JAG1: variants seen among roughly 807,000 people sequenced by gnomAD.
The protein encoded by JAG1 is protein jagged-1.
A neutral mutation model predicts 148.7 loss-of-function variants in JAG1; 23 were observed. The ratio of observed to expected loss-of-function variants is 0.15; its 90% CI spans 0.11 to 0.22. JAG1 has a LOEUF of 0.22. JAG1 is among the 10% of genes least tolerant of loss of function. The pLI, the probability that JAG1 is intolerant of heterozygous loss-of-function variation, is 1.00. For missense variants in JAG1, 1,054 were observed against 1,611.2 expected, an observed-to-expected ratio of 0.65 and a Z score of 5.92; for synonymous variants, 572 against 598.3, an observed-to-expected ratio of 0.96 and a Z score of 0.64.
chr20:10,664,991 T>C (rs2067443509), intron 2 of JAG1, among the ~76,000 whole-genome samples: 1 of 152,220 alleles, frequency 6.6e-6, no homozygotes, highest in Admixed American at 6.5e-5. Context: ...AAGCTTCTGC[T>C]ATCTTGGCAC....
chr20:10,656,717 CCTT>C (rs2067381796), intron 4 of JAG1, among the ~76,000 whole-genome samples: 1 of 152,052 alleles, frequency 6.6e-6, no homozygotes, highest in African/African-American at 2.4e-5. Flanking sequence ...GGAAGGGGGA[CCTT>C]CGTCCAGCCT....
chr20:10,668,525 C>T (rs917373931), intron 2 of JAG1, among the ~76,000 whole-genome samples: 2 of 152,166 alleles, frequency 1.3e-5, no homozygotes, highest in African/African-American at 4.8e-5. Flanking sequence ...CTTACATTGT[C>T]ACTAACCTTG....
rs1260995695 is a variant in JAG1 at position 10,639,763 on chromosome 20, G to A, written c.3392C>T (p.Ala1131Val). The A allele has an allele frequency of 6.2e-7, 1 of 1,613,942 alleles. No individual in the cohort carries two copies. The highest frequency in any genetic ancestry group is 8.5e-7 in the Non-Finnish European group (1 of 1,179,828). The stretch of plus-strand genomic sequence containing the variant: ...ATAATCCTTGATGGGGACCGTGTTG[G>A]CCCCATGTTTCTCAATGGGGTTTTT... ...QIKNPIEKHGANTVPIKDYEN... is the reference protein window; with the variant it reads ...QIKNPIEKHGVNTVPIKDYEN... Residue 1131 changes from alanine (A) to valine (V), a missense_variant, in exon 26 of 26, where the codon GCC (alanine) becomes GTC (valine). Coordinates refer to ENST00000254958, the MANE Select transcript of JAG1 (RefSeq NM_000214.3).
In JAG1 at chr20:10,673,522, G is replaced by A; in HGVS notation, c.9C>T (p.Ser3=). The change falls in exon 1 of 26, where the codon TCC becomes TCT. Residue 3 remains serine (S), a synonymous_variant. Coordinates refer to ENST00000254958, the MANE Select transcript of JAG1 (RefSeq NM_000214.3). This position sits in a 1 kb window ranked among gnomAD's most constrained non-coding sequence, Gnocchi z 4.7. MR[S]PRTRGRSGRP... ...GCCCGGACCGGCCGCGCGTCCGTGG[G>A]GAACGCATCGCTGCGCCGCGCGCCG... is the stretch of plus-strand genomic sequence containing the variant. 1 of 1,253,702 alleles carries A rather than the reference G, an allele frequency of 8.0e-7. No individual in the cohort carries two copies. The highest frequency in any genetic ancestry group is 1.0e-6 in the Non-Finnish European group (1 of 992,304). 77.7% of individuals were successfully genotyped at this position (1,253,702 alleles called of 1,614,324 possible). A position where few individuals can be genotyped will look rare whatever the true frequency, so the allele number is the denominator to read the frequency against.
chr20:10,668,421 T>A (rs1243802554), intron 2 of JAG1, among the ~76,000 whole-genome samples: 2 of 152,246 alleles, frequency 1.3e-5, no homozygotes, highest in African/African-American at 4.8e-5. Context: ...AAGAGCAACA[T>A]GCCTTACAGA....
chr20:10,646,866 T>C, intron 14 of JAG1, 73 bp downstream of exon 14: 1 of 1,390,096 alleles, frequency 7.2e-7, no homozygotes, highest in South Asian at 1.2e-5. Flanking sequence ...GATCCCAGGG[T>C]GGGCCAGGGG....
chr20:10,654,074 G>C (rs1657304715), intron 5 of JAG1, among the ~76,000 whole-genome samples: 2 of 152,216 alleles, frequency 1.3e-5, no homozygotes, highest in South Asian at 4.1e-4. Context: ...TAGCCATTCT[G>C]TCAAGGCTGA....
Position 10,645,842 on chromosome 20 carries a change from C to A in JAG1, c.1999+129G>T. 1.3e-6 allele frequency: 1 copy of A among 768,122 alleles called. No homozygotes were observed. The allele number at this position is 768,122 out of a possible 1,614,324, so 47.6% of individuals were successfully genotyped here. ...CAAATGAGACACAAGTGATACTGTC[C>A]CAGTGCAGAAATCACTGCGGTCTTG... On this transcript the variant is annotated intron_variant, in intron 15 of 25. Transcript: ENST00000254958. The surrounding 1 kb of genome is among the most constrained non-coding windows in gnomAD (Gnocchi z 6.1).
chr20:10,658,437 C>G, intron 4 of JAG1, 31 bp downstream of exon 4: 4 of 1,612,016 alleles, frequency 2.5e-6, no homozygotes, highest in Non-Finnish European at 3.4e-6. Flanking sequence ...AAGCAACAGG[C>G]ACACGTGCAC....
At position 10,640,830 on chromosome 20, in the gene JAG1, G is replaced by A. The variant is rs2067265482; in HGVS notation, c.3152C>T (p.Ala1051Val). The change falls in exon 25 of 26, where the codon GCC becomes GTC. Residue 1051 changes from alanine (A) to valine (V), a missense_variant. Ala to Val is a moderately conservative substitution (Grantham distance 64). This residue lies in a region of JAG1 where 342 missense variants were observed against 514.6 expected (regional missense o/e 0.66). Coordinates refer to ENST00000254958, the MANE Select transcript of JAG1 (RefSeq NM_000214.3). ...KRDGNSSLIA[A>V]VAEVRVQRRP... is the part of the protein sequence containing the mutation. ...CCTCTGAACTCTTACTTCTGCAACG[G>A]CAGCAATCAGCGAGCTGTTTCCATC... 1 of 1,614,048 alleles carries A rather than the reference G, an allele frequency of 6.2e-7. No homozygotes were observed. Among genetic ancestry groups the A allele is most frequent in the Non-Finnish European group, 8.5e-7 (1 of 1,180,034 alleles).
In JAG1 at chr20:10,649,089, C is replaced by T. The variant is rs534533867; in HGVS notation, c.1367G>A (p.Gly456Asp). The part of the protein sequence containing the change: ...NCDININDCL[G>D]QCQNDASCRD... The stretch of plus-strand genomic sequence containing the variant: ...ACAGGAGGCGTCATTCTGACACTGG[C>T]CAAGGCAGTCATTAATATCTAAAAA... The change falls in exon 11 of 26, where the codon GGC becomes GAC. Residue 456 changes from glycine to aspartate, a missense_variant. By Grantham distance (94) the Gly-to-Asp change is moderately conservative. Transcript: ENST00000254958. 5.6e-6 allele frequency: 9 copies of T among 1,608,952 alleles called. No homozygotes were observed. In the East Asian group the frequency reaches 1.8e-4, roughly 32 times the overall value.
At chr20:10,649,833 T>C in intron 9 of JAG1, 198 bp from the exon 10 acceptor site, 1 of 618,148 alleles carries the variant, frequency 1.6e-6, no homozygotes, top group Non-Finnish European at 2.9e-6. Flanking sequence ...AGAACCCTAA[T>C]TGATAACTTT....
intron 2 of JAG1, among the ~76,000 whole-genome samples, chr20:10,664,385 C>CACAA (rs1178671591): frequency 6.8e-6 from 1 of 147,648 alleles, no homozygotes; most frequent in Non-Finnish European, 1.5e-5. Context: ...CACACACACA[C>CACAA]ACACACACAC....
At chr20:10,667,261 C>T (rs535561200) in intron 2 of JAG1, among the ~76,000 whole-genome samples, 8 of 152,238 alleles carry the variant, frequency 5.3e-5, no homozygotes, top group Admixed American at 3.3e-4. Flanking sequence ...TGGGAATGCC[C>T]GACGTGCCAA....
intron 8 of JAG1, chr20:10,650,673 A>T: frequency 2.8e-6 from 1 of 355,018 alleles, no homozygotes; most frequent in Non-Finnish European, 5.3e-6. Flanking sequence ...ATTTTTAAAG[A>T]AAAGTTTCAT....
rs987023136 is a variant in JAG1, at chr20:10,659,549, G to A, written c.440-827C>T. Among the ~76,000 whole-genome samples, 11 of 131,080 alleles carry A rather than the reference G, an allele frequency of 8.4e-5. 1 individual carries two copies. Among genetic ancestry groups the A allele is most frequent in the African/African-American group, 3.0e-4 (10 of 32,868 alleles). The allele number at this position is 131,080 out of a possible 152,430, so 86.0% of individuals were successfully genotyped here. ...ACTCTTAACTGGAAGCCAAGGAGAC[G>A]ATTAAGTTACTTTTTTTTTTTTTTT... On this transcript the variant is annotated intron_variant, in intron 3 of 25. Transcript: ENST00000254958.
rs1467074978 is a variant in JAG1, at chr20:10,673,491, G to A, written c.40C>T (p.Leu14=). 2.3e-6 allele frequency: 3 copies of A among 1,293,942 alleles called. No individual in the cohort carries two copies. The highest frequency in any genetic ancestry group is 3.0e-6 in the Non-Finnish European group (3 of 1,014,236). The allele number at this position is 1,293,942 out of a possible 1,614,324, so 80.2% of individuals were successfully genotyped here. ...PRTRGRSGRP[L]SLLLALLCAL... ...CAGAGCAGGGCGAGCAGGAGGCTTA[G>A]GGGGCGCCCGGACCGGCCGCGCGTC... The change falls in exon 1 of 26, where the codon CTA becomes TTA. Residue 14 remains leucine, a synonymous_variant. Transcript: ENST00000254958. The surrounding 1 kb of genome is among the most constrained non-coding windows in gnomAD (Gnocchi z 4.7).
In JAG1 at chr20:10,673,061, T is replaced by C; in HGVS notation, c.82-55A>G. ...GCGGGAGAAAGCTGTTTTCTTCGAGTATAGAGGTGGCGACTCCCTCCCACT... is the reference window on the plus strand; with the variant it reads ...GCGGGAGAAAGCTGTTTTCTTCGAGCATAGAGGTGGCGACTCCCTCCCACT... On this transcript the variant is annotated intron_variant, in intron 1 of 25. Transcript: ENST00000254958. The surrounding 1 kb of genome is among the most constrained non-coding windows in gnomAD (Gnocchi z 4.7). 1.9e-6 allele frequency: 3 copies of C among 1,548,760 alleles called. No homozygotes were observed. Among genetic ancestry groups the C allele is most frequent in the Non-Finnish European group, 2.6e-6 (3 of 1,136,762 alleles).
At chr20:10,647,768 C>T (rs149077547) in intron 13 of JAG1, among the ~76,000 whole-genome samples, 192 bp downstream of exon 13, 138 of 152,358 alleles carry the variant, frequency 9.1e-4, no homozygotes, top group African/African-American at 3.2e-3. Flanking sequence ...CTTGTAGACA[C>T]GGCTCTCCCA....
Sources: allele counts gnomAD v4.1 joint callset (sites outside exome capture counted in the v4.1 genomes callset), GRCh38; gene constraint gnomAD v4.1.1; regional missense constraint gnomAD v4.1.1; non-coding constraint Gnocchi (gnomAD v3.1); transcripts MANE v1.5; gene names NCBI Gene and HGNC (gene_info 2026-07-23, HGNC 2026-07-21).